KCNJ15: variants seen among roughly 807,000 people sequenced by gnomAD.
KCNJ15 encodes potassium inwardly rectifying channel subfamily J member 15, also known as ATP-sensitive inward rectifier potassium channel 15.
In KCNJ15, 14 loss-of-function variants were observed where a neutral mutation model predicts 23.0. The observed-to-expected ratio is 0.61, with a 90% CI of 0.40 to 0.95. The LOEUF (loss-of-function observed/expected upper bound fraction) is 0.95. KCNJ15 is among the 40% of genes least tolerant of loss of function. The pLI is 0.00. For synonymous variants in KCNJ15, 185 were observed against 183.2 expected (o/e 1.01, Z -0.08); for missense variants, 388 against 461.8 (o/e 0.84, Z 1.46).
chr21:38,279,208 T>G (rs1983067681), intron 1 of KCNJ15, among the ~76,000 whole-genome samples: 1 of 151,714 alleles, frequency 6.6e-6, no homozygotes, highest in Admixed American at 6.6e-5. Context: ...TAATGGATAA[T>G]GAAGCTAGGC....
At chr21:38,261,631 T>G (rs1980910227) in intron 1 of KCNJ15, among the ~76,000 whole-genome samples, 1 of 152,222 alleles carries the variant, frequency 6.6e-6, no homozygotes, top group Non-Finnish European at 1.5e-5. Flanking sequence ...GGTAGGTCCT[T>G]GTACTGTAGT....
chr21:38,284,538 G>A (rs193139140), intron 1 of KCNJ15, among the ~76,000 whole-genome samples: 213 of 152,274 alleles, frequency 1.4e-3, no homozygotes, highest in Non-Finnish European at 2.6e-3. Flanking sequence ...TGAAAGTGCC[G>A]ATTAAACAGA....
intron 1 of KCNJ15, among the ~76,000 whole-genome samples, chr21:38,280,011 C>T (rs756642833): frequency 6.6e-6 from 1 of 152,192 alleles, no homozygotes; most frequent in African/African-American, 2.4e-5. Flanking sequence ...TAGGTTTAAA[C>T]TGGGGAACAA....
chr21:38,303,108 G>C lies in KCNJ15; in HGVS notation c.*2719G>C. On this transcript the variant is annotated 3_prime_UTR_variant, in exon 3 of 3. Coordinates refer to ENST00000398938, the MANE Select transcript of KCNJ15 (RefSeq NM_170736.3). ...CAAATCATATAATATTCAATAAATA[G>C]CTCTGAAGTTGTATCTGATTTGAAA... The C allele has an allele frequency of 6.6e-6, 1 of 151,884 alleles. No individual in the cohort carries two copies. Among genetic ancestry groups the C allele is most frequent in the Non-Finnish European group, 1.5e-5 (1 of 67,972 alleles). 9.4% of individuals were successfully genotyped at this position (151,884 alleles called of 1,614,324 possible). A position where few individuals can be genotyped will look rare whatever the true frequency, so the allele number is the denominator to read the frequency against.
chr21:38,238,567 G>A (rs998061026), intron 1 of KCNJ15: 1 of 629,010 alleles, frequency 1.6e-6, no homozygotes, highest in Admixed American at 1.9e-5. Flanking sequence ...GGAGAAGGCA[G>A]TCACTAGGCA....
At chr21:38,287,189 A>G (rs1179727998) in intron 1 of KCNJ15, among the ~76,000 whole-genome samples, 3 of 152,244 alleles carry the variant, frequency 2.0e-5, no homozygotes, top group African/African-American at 7.2e-5. Flanking sequence ...CTGAGCTAAT[A>G]TCTTAAAAAT....
chr21:38,270,501 G>T (rs1262532132), intron 1 of KCNJ15, among the ~76,000 whole-genome samples: 1 of 152,126 alleles, frequency 6.6e-6, no homozygotes, highest in African/African-American at 2.4e-5. Context: ...CCTTTCAGAA[G>T]GCATCTCACT....
Position 38,300,482 on chromosome 21 carries a change from T to G in KCNJ15, c.*93T>G. On this transcript the variant is annotated 3_prime_UTR_variant, in exon 3 of 3. Transcript: ENST00000398938. ...AGATTGCTGTGAAAACGAAAATGTG[T>G]AGACGCACTCTCAAAAACTGCACGG... 1 of 1,103,506 alleles carries G rather than the reference T, an allele frequency of 9.1e-7. No individual in the cohort carries two copies. The highest frequency in any genetic ancestry group is 1.3e-6 in the Non-Finnish European group (1 of 766,976). The allele number at this position is 1,103,506 out of a possible 1,614,324, so 68.4% of individuals were successfully genotyped here. A position where few individuals can be genotyped will look rare whatever the true frequency, so the allele number is the denominator to read the frequency against.
At chr21:38,251,194 T>A (rs1386405092) in intron 1 of KCNJ15, among the ~76,000 whole-genome samples, 1 of 152,226 alleles carries the variant, frequency 6.6e-6, no homozygotes, top group Non-Finnish European at 1.5e-5. Context: ...CAGCCCACAC[T>A]GTCAACAGTG....
intron 1 of KCNJ15, among the ~76,000 whole-genome samples, chr21:38,273,529 A>G (rs1601192818): frequency 6.6e-6 from 1 of 152,212 alleles, no homozygotes; most frequent in African/African-American, 2.4e-5. Flanking sequence ...TACTTGGTCT[A>G]TTTCCATGTC....
rs1002523662 is a variant in KCNJ15, at chr21:38,275,610, G to A, written c.-117+18425G>A. 3.3e-5 allele frequency among the ~76,000 whole-genome samples: 5 copies of A among 151,444 alleles called. No individual in the cohort carries two copies. The South Asian group carries it at 8.3e-4, about 25-fold the overall frequency. ...TCCCTTTTTAAAAGAGCAGAGCTCA[G>A]GCTCTTACTCACATCCCTGTGCCCC... On this transcript the variant is annotated intron_variant, in intron 1 of 2. Coordinates refer to ENST00000398938, the MANE Select transcript of KCNJ15 (RefSeq NM_170736.3).
Position 38,299,784 on chromosome 21 carries a change from G to T in KCNJ15, c.523G>T (p.Ala175Ser). Residue 175 changes from alanine to serine, a missense_variant, in exon 3 of 3, where the codon GCT (alanine) becomes TCT (serine). Coordinates refer to ENST00000398938, the MANE Select transcript of KCNJ15 (RefSeq NM_170736.3). The surrounding 1 kb of genome is among the most constrained non-coding windows in gnomAD (Gnocchi z 4.5). ...LAKIARPKKR[A>S]ETIKFSHCAV... Reference sequence around the variant, plus strand: ...CAAAATCGCCAGACCCAAAAAGCGGGCTGAGACCATCAAGTTCAGCCACTG... The same window carrying T: ...CAAAATCGCCAGACCCAAAAAGCGGTCTGAGACCATCAAGTTCAGCCACTG... 1 of 1,614,048 alleles carries T rather than the reference G, an allele frequency of 6.2e-7. No homozygotes were observed. The highest frequency in any genetic ancestry group is 8.5e-7 in the Non-Finnish European group (1 of 1,180,028).
In KCNJ15 at chr21:38,300,671, T is replaced by G; in HGVS notation, c.*282T>G. ...GCTTGGTGTAGGGCAATTGGAATAATGTCCTGTTAGATAAACAGACATTTA... is the reference window on the plus strand; with the variant it reads ...GCTTGGTGTAGGGCAATTGGAATAAGGTCCTGTTAGATAAACAGACATTTA... On this transcript the variant is annotated 3_prime_UTR_variant, in exon 3 of 3. Transcript: ENST00000398938. 1 of 341,732 alleles carries G rather than the reference T, an allele frequency of 2.9e-6. No individual in the cohort carries two copies. 21.2% of individuals were successfully genotyped at this position (341,732 alleles called of 1,614,324 possible).
intron 1 of KCNJ15, among the ~76,000 whole-genome samples, chr21:38,287,889 C>T (rs1984076657): frequency 6.6e-6 from 1 of 152,034 alleles, no homozygotes; most frequent in African/African-American, 2.4e-5. Flanking sequence ...GTCTTTAAAG[C>T]AAATTTTGGT....
intron 1 of KCNJ15, among the ~76,000 whole-genome samples, chr21:38,258,444 C>G (rs938316365): frequency 1.3e-5 from 2 of 152,194 alleles, no homozygotes; most frequent in Admixed American, 6.5e-5. Context: ...CCCATACCTT[C>G]TAGGGTTTTA....
At position 38,304,100 on chromosome 21, in the gene KCNJ15, T is replaced by A. The variant is rs1035735253; in HGVS notation, c.*3711T>A. 5 of 151,994 alleles carry A rather than the reference T, an allele frequency of 3.3e-5. No homozygotes were observed. The highest frequency in any genetic ancestry group is 2.1e-4 in the South Asian group (1 of 4,834). 9.4% of individuals were successfully genotyped at this position (151,994 alleles called of 1,614,324 possible). A position where few individuals can be genotyped will look rare whatever the true frequency, so the allele number is the denominator to read the frequency against. On this transcript the variant is annotated 3_prime_UTR_variant, in exon 3 of 3. Coordinates refer to ENST00000398938, the MANE Select transcript of KCNJ15 (RefSeq NM_170736.3). ...TTGAAAATCAGCTTTTTATTTTTTT[T>A]AATTTTATTATTATTATACTTTAAG...
chr21:38,256,721 G>C (rs915995206), upstream of KCNJ15: 2 of 152,050 alleles, frequency 1.3e-5, no homozygotes, highest in Admixed American at 6.6e-5. Context: ...CTTTAAAAAG[G>C]CATCAGTTTT....
At chr21:38,247,902 A>G (rs1979558888) in intron 1 of KCNJ15, among the ~76,000 whole-genome samples, 1 of 152,310 alleles carries the variant, frequency 6.6e-6, no homozygotes, top group South Asian at 2.1e-4. Context: ...TCCAACACCA[A>G]ACAAACACTA....
chr21:38,282,464 C>G (rs1304337941), intron 1 of KCNJ15, among the ~76,000 whole-genome samples: 1 of 152,158 alleles, frequency 6.6e-6, no homozygotes, highest in African/African-American at 2.4e-5. Context: ...CTAATTTTCT[C>G]TTCAAGATAG....
Sources: allele counts gnomAD v4.1 joint callset (sites outside exome capture counted in the v4.1 genomes callset), GRCh38; gene constraint gnomAD v4.1.1; non-coding constraint Gnocchi (gnomAD v3.1); transcripts MANE v1.5; gene names NCBI Gene and HGNC (gene_info 2026-07-23, HGNC 2026-07-21).